PRR5: variants seen among roughly 807,000 people sequenced by gnomAD.
PRR5 encodes proline-rich protein 5.
Under a neutral mutation model 30.6 loss-of-function variants are expected in PRR5, and 25 were observed. The ratio of observed to expected loss-of-function variants is 0.82; its 90% CI spans 0.60 to 1.14. The LOEUF (loss-of-function observed/expected upper bound fraction) is 1.14. Ranked by LOEUF, PRR5 falls within the 50% of genes most tolerant of loss-of-function variation. PRR5 has a pLI of 0.00. For missense variants in PRR5, 600 were observed against 547.1 expected (o/e 1.10, Z -0.96); for synonymous variants, 286 against 247.1 (o/e 1.16, Z -1.48).
intron 4 of PRR5, chr22:44,729,286 G>A (rs887798781): frequency 3.2e-6 from 3 of 941,240 alleles, no homozygotes; most frequent in Admixed American, 6.2e-5. Context: ...GTCTCCCGAC[G>A]GGCTGAAACA....
intron 6 of PRR5, among the ~76,000 whole-genome samples, chr22:44,732,893 A>G (rs761037778): frequency 6.8e-6 from 1 of 146,326 alleles, no homozygotes; most frequent in Non-Finnish European, 1.5e-5. Context: ...CACACCACAC[A>G]CGTGCACACG....
At chr22:44,719,956 C>G (rs950028216) in intron 2 of PRR5, among the ~76,000 whole-genome samples, 2 of 152,218 alleles carry the variant, frequency 1.3e-5, no homozygotes, top group African/African-American at 2.4e-5. Flanking sequence ...GGCTGACATC[C>G]CAGGTATACC....
At chr22:44,724,956 C>T (rs544745890) in intron 2 of PRR5, among the ~76,000 whole-genome samples, 2 of 152,304 alleles carry the variant, frequency 1.3e-5, no homozygotes, top group South Asian at 2.1e-4. Flanking sequence ...AGGTGTGAGA[C>T]GCAGAGGCCA....
intron 1 of PRR5, among the ~76,000 whole-genome samples, chr22:44,684,096 G>T (rs1227591460): frequency 6.6e-6 from 1 of 152,176 alleles, no homozygotes; most frequent in Admixed American, 6.5e-5. Context: ...GGGCCAGAGG[G>T]GTGGGCTGAG....
Position 44,702,343 on chromosome 22 carries a change from A to T in PRR5, c.-132A>T. The T allele has an allele frequency of 1.7e-6, 2 of 1,173,676 alleles. No homozygotes were observed. Among genetic ancestry groups the T allele is most frequent in the Non-Finnish European group, 2.1e-6 (2 of 947,866 alleles). 72.7% of individuals were successfully genotyped at this position (1,173,676 alleles called of 1,614,324 possible). On this transcript the variant is annotated 5_prime_UTR_variant, in exon 1 of 8. Coordinates refer to ENST00000336985, the MANE Select transcript of PRR5 (RefSeq NM_181333.4). ...CGGGGCCGGGGCGGGACCCCGCAGG[A>T]CCGCTCGGCTTCCTGCTCTCGCCGG...
Position 44,737,070 on chromosome 22 carries a change from G to T in PRR5, c.990G>T (p.Glu330Asp), listed in dbSNP as rs766610770. 6.2e-7 allele frequency: 1 copy of T among 1,610,538 alleles called. No individual in the cohort carries two copies. The highest frequency in any genetic ancestry group is 8.5e-7 in the Non-Finnish European group (1 of 1,179,438). Residue 330 changes from glutamate to aspartate, a missense_variant, in exon 8 of 8, where the codon GAG (glutamate) becomes GAT (aspartate). Physicochemically the swap from Glu to Asp is conservative, Grantham distance 45 (BLOSUM62 2). Coordinates refer to ENST00000336985, the MANE Select transcript of PRR5 (RefSeq NM_181333.4). Reference protein sequence around the residue: ...SRLYPTTQPPEQGLDPTRSSL... With the variant: ...SRLYPTTQPPDQGLDPTRSSL... The stretch of plus-strand genomic sequence containing the variant: ...TGTACCCCACGACCCAGCCCCCTGA[G>T]CAGGGCTTGGATCCCACCCGCAGCT...
At chr22:44,709,577 G>A (rs909028350) in intron 1 of PRR5, among the ~76,000 whole-genome samples, 5 of 152,166 alleles carry the variant, frequency 3.3e-5, no homozygotes, top group African/African-American at 4.8e-5. Flanking sequence ...TTCCAGGCCA[G>A]GCGCAGTGGC....
At chr22:44,690,660 G>A (rs569761232) in intron 1 of PRR5, among the ~76,000 whole-genome samples, 5 of 152,326 alleles carry the variant, frequency 3.3e-5, no homozygotes, top group African/African-American at 1.2e-4. Flanking sequence ...TGGTGAAGCC[G>A]CGATCCTCTG....
intron 1 of PRR5, among the ~76,000 whole-genome samples, chr22:44,707,747 G>A (rs1927461603): frequency 6.6e-6 from 1 of 152,162 alleles, no homozygotes; most frequent in Admixed American, 6.5e-5. Context: ...GGGGTGGGAG[G>A]AGCTCCCCAA....
chr22:44,734,793 A>T, intron 6 of PRR5: 1 of 604,190 alleles, frequency 1.7e-6, no homozygotes, highest in East Asian at 2.8e-5. Context: ...TCCAGGGCAC[A>T]CCATGGTCTC....
At chr22:44,675,762 G>GTTA (rs150864660), upstream of PRR5, among the ~76,000 whole-genome samples, 36,928 of 142,620 alleles carry the variant, frequency 0.26, 5,294 homozygotes, top group Non-Finnish European at 0.33. Context: ...TGTTGCTGTT[G>GTTA]TTATTATTAT....
chr22:44,687,187 G>T (rs923363687), intron 1 of PRR5, among the ~76,000 whole-genome samples: 2 of 152,208 alleles, frequency 1.3e-5, no homozygotes, highest in African/African-American at 2.4e-5. Context: ...TACTTTTGGG[G>T]TATGTGTGAT....
At chr22:44,717,885 T>G (rs1417338403) in intron 2 of PRR5, among the ~76,000 whole-genome samples, 2 of 152,062 alleles carry the variant, frequency 1.3e-5, no homozygotes, top group Non-Finnish European at 2.9e-5. Flanking sequence ...CCGGCTAATT[T>G]TGTATTTTTA....
At chr22:44,695,811 G>A (rs1294614874) in intron 1 of PRR5, among the ~76,000 whole-genome samples, 1 of 151,658 alleles carries the variant, frequency 6.6e-6, no homozygotes, top group African/African-American at 2.4e-5. Context: ...ATGTTGACTA[G>A]GCTGGTCTCG....
intron 4 of PRR5, among the ~76,000 whole-genome samples, chr22:44,727,347 A>AG (rs1186647908): frequency 6.6e-6 from 1 of 151,978 alleles, no homozygotes; most frequent in Non-Finnish European, 1.5e-5. Context: ...GGGTCAGGTG[A>AG]GGGGGTCCAC....
At chr22:44,731,546 A>T in intron 4 of PRR5, 184 bp from the exon 5 acceptor site, 2 of 614,472 alleles carry the variant, frequency 3.3e-6, no homozygotes, top group Non-Finnish European at 5.8e-6. Context: ...GACTGAGGTT[A>T]AGCAGTGGGC....
At chr22:44,676,409 A>G (rs1411994687), upstream of PRR5, among the ~76,000 whole-genome samples, 3 of 150,156 alleles carry the variant, frequency 2.0e-5, no homozygotes, top group South Asian at 2.1e-4. Flanking sequence ...AAAAAAAAAA[A>G]AAAAAAGAAA....
intron 6 of PRR5, among the ~76,000 whole-genome samples, chr22:44,732,985 TACA>T (rs1922483201): frequency 7.3e-6 from 1 of 137,306 alleles, no homozygotes; most frequent in Non-Finnish European, 1.5e-5. Context: ...ACTACACACA[TACA>T]TGTGCGCGCA....
intron 1 of PRR5, among the ~76,000 whole-genome samples, chr22:44,688,359 G>A (rs1392374982): frequency 6.6e-6 from 1 of 152,128 alleles, no homozygotes; most frequent in East Asian, 2.0e-4. Context: ...ATTCCAGCCT[G>A]GGCTACAGAG....
Sources: gnomAD v4.1 joint callset for allele counts (sites outside exome capture counted in the v4.1 genomes callset) on GRCh38, gnomAD v4.1.1 for gene constraint, MANE v1.5 for transcripts, NCBI Gene and HGNC (gene_info 2026-07-23, HGNC 2026-07-21) for gene names.